The following TRERF1 variants were observed in gnomAD, a reference collection of about 807,000 sequenced individuals.
TRERF1 encodes transcriptional regulating factor 1.
A neutral mutation model predicts 122.9 loss-of-function variants in TRERF1; 27 were observed. That is an observed-to-expected ratio of 0.22 (90% CI 0.16 to 0.30). TRERF1 has a LOEUF of 0.30. Among genes scored for constraint, TRERF1 ranks in the 10% least tolerant of loss-of-function variants. TRERF1 has a pLI of 1.00. For synonymous variants in TRERF1, 636 were observed against 641.7 expected, an observed-to-expected ratio of 0.99 and a Z score of 0.13; for missense variants, 1,248 against 1,560.3, an observed-to-expected ratio of 0.80 and a Z score of 3.37.
intron 3 of TRERF1, among the ~76,000 whole-genome samples, chr6:42,347,001 C>T (rs542313004): frequency 4.5e-4 from 68 of 152,314 alleles, no homozygotes; most frequent in Non-Finnish European, 7.9e-4. Flanking sequence ...TGCTTTATTG[C>T]TGTTCTTAAA....
intron 2 of TRERF1, among the ~76,000 whole-genome samples, chr6:42,376,950 C>A (rs913743851): frequency 6.6e-6 from 1 of 152,040 alleles, no homozygotes; most frequent in Non-Finnish European, 1.5e-5. Context: ...ACTGCAACAT[C>A]TGCCTCCCGG....
chr6:42,415,115 T>A (rs2151491615), intron 2 of TRERF1, among the ~76,000 whole-genome samples: 1 of 152,352 alleles, frequency 6.6e-6, no homozygotes, highest in East Asian at 1.9e-4. Flanking sequence ...AATGCCTTCT[T>A]ATTGCAGCTC....
At chr6:42,258,446 A>AT (rs1257912827) in intron 9 of TRERF1, among the ~76,000 whole-genome samples, 1 of 152,202 alleles carries the variant, frequency 6.6e-6, no homozygotes, top group Non-Finnish European at 1.5e-5. Flanking sequence ...AAGCGGTATG[A>AT]TTTCTATGCA....
intron 3 of TRERF1, among the ~76,000 whole-genome samples, chr6:42,318,102 C>T (rs1422584521): frequency 1.3e-5 from 2 of 151,316 alleles, no homozygotes; most frequent in Admixed American, 6.6e-5. Flanking sequence ...TGTAGTAAGC[C>T]GAGATCACCC....
chr6:42,429,288 A>G (rs954257097), intron 2 of TRERF1, among the ~76,000 whole-genome samples: 1 of 152,048 alleles, frequency 6.6e-6, no homozygotes, highest in African/African-American at 2.4e-5. Context: ...CTGGGAAGGT[A>G]GCATTCTCTT....
At chr6:42,352,577 G>A (rs927058389) in intron 3 of TRERF1, among the ~76,000 whole-genome samples, 1 of 152,056 alleles carries the variant, frequency 6.6e-6, no homozygotes, top group African/African-American at 2.4e-5. Flanking sequence ...AAAATTACAA[G>A]GGCTCAAAGG....
At chr6:42,272,747 G>C (rs903774030) in intron 4 of TRERF1, among the ~76,000 whole-genome samples, 3 of 152,082 alleles carry the variant, frequency 2.0e-5, no homozygotes, top group Non-Finnish European at 4.4e-5. Flanking sequence ...GAAATGCTCT[G>C]GCCCACTGGG....
At chr6:42,438,402 G>C (rs1339806337) in intron 2 of TRERF1, among the ~76,000 whole-genome samples, 1 of 150,414 alleles carries the variant, frequency 6.6e-6, no homozygotes, top group Admixed American at 6.6e-5. Context: ...CTGAGGTCAG[G>C]AGTTCGAGAC....
chr6:42,290,875 T>C (rs1321929172), intron 4 of TRERF1, among the ~76,000 whole-genome samples: 1 of 151,590 alleles, frequency 6.6e-6, no homozygotes, highest in Non-Finnish European at 1.5e-5. Context: ...GTGTGTTTGC[T>C]TGACATCAGT....
chr6:42,331,318 G>A (rs1428807215), intron 3 of TRERF1, among the ~76,000 whole-genome samples: 1 of 152,204 alleles, frequency 6.6e-6, no homozygotes, highest in Non-Finnish European at 1.5e-5. Flanking sequence ...GTGAAGTCCA[G>A]AGAGTGAGAG....
At chr6:42,348,643 C>A (rs1370633960) in intron 3 of TRERF1, among the ~76,000 whole-genome samples, 1 of 152,184 alleles carries the variant, frequency 6.6e-6, no homozygotes, top group Non-Finnish European at 1.5e-5. Context: ...GAAAGAGAAA[C>A]TGAATTACCG....
chr6:42,400,107 T>C (rs951969517), intron 2 of TRERF1, among the ~76,000 whole-genome samples: 1 of 152,236 alleles, frequency 6.6e-6, no homozygotes, highest in African/African-American at 2.4e-5. Context: ...GAAAACCTGC[T>C]TTCACTGGAT....
intron 2 of TRERF1, among the ~76,000 whole-genome samples, chr6:42,370,169 G>T (rs1282011485): frequency 6.6e-6 from 1 of 152,024 alleles, no homozygotes; most frequent in African/African-American, 2.4e-5. Context: ...TTCGAATTTG[G>T]GAAAGCATAT....
chr6:42,433,315 A>G (rs1784770009), intron 2 of TRERF1, among the ~76,000 whole-genome samples: 1 of 152,080 alleles, frequency 6.6e-6, no homozygotes, highest in Admixed American at 6.6e-5. Flanking sequence ...AAAAAAAGTG[A>G]ACCCCAAAGA....
At chr6:42,397,827 G>A (rs114654032) in intron 2 of TRERF1, among the ~76,000 whole-genome samples, 231 of 152,248 alleles carry the variant, frequency 1.5e-3, no homozygotes, top group African/African-American at 5.4e-3. Context: ...TACAGCAATC[G>A]TCTGATAAAC....
chr6:42,443,777 C>A (rs1056062361), intron 2 of TRERF1, among the ~76,000 whole-genome samples: 23 of 152,162 alleles, frequency 1.5e-4, no homozygotes, highest in Admixed American at 1.4e-3. Context: ...TAGAAGGCAG[C>A]TACACGTAGG....
chr6:42,384,142 C>T (rs745392566), intron 2 of TRERF1, among the ~76,000 whole-genome samples: 3 of 152,050 alleles, frequency 2.0e-5, no homozygotes, highest in Non-Finnish European at 4.4e-5. Context: ...TACAGACATA[C>T]TCCTATATAT....
chr6:42,383,435 C>T (rs959371550), intron 2 of TRERF1, among the ~76,000 whole-genome samples: 3 of 152,106 alleles, frequency 2.0e-5, no homozygotes, highest in Admixed American at 1.3e-4. Flanking sequence ...CCCCTTCCTC[C>T]TCCCAACCCT....
intron 2 of TRERF1, among the ~76,000 whole-genome samples, chr6:42,370,866 A>C (rs1773635436): frequency 6.6e-6 from 1 of 152,132 alleles, no homozygotes; most frequent in Admixed American, 6.5e-5. Context: ...GCCCCTGAGG[A>C]GGATCCACTA....
Sources: allele counts gnomAD v4.1 joint callset (sites outside exome capture counted in the v4.1 genomes callset), GRCh38; gene constraint gnomAD v4.1.1; transcripts MANE v1.5; gene names NCBI Gene and HGNC (gene_info 2026-07-23, HGNC 2026-07-21).